The following CYLD variants were observed in gnomAD, a reference collection of about 807,000 sequenced individuals.
The protein encoded by CYLD is ubiquitin carboxyl-terminal hydrolase CYLD.
A neutral mutation model predicts 104.5 loss-of-function variants in CYLD; 26 were observed. The observed-to-expected ratio is 0.25, with a 90% CI of 0.18 to 0.35. The LOEUF is 0.35. Ranked by LOEUF, CYLD falls within the 10% of genes least tolerant of loss-of-function variation. The pLI is 1.00. For synonymous variants in CYLD, 385 were observed against 399.9 expected, an observed-to-expected ratio of 0.96 and a Z score of 0.45; for missense variants, 703 against 1,136.1, an observed-to-expected ratio of 0.62 and a Z score of 5.48.
chr16:50,765,006 C>T (rs1232434534), intron 5 of CYLD, among the ~76,000 whole-genome samples: 2 of 152,164 alleles, frequency 1.3e-5, no homozygotes, highest in Non-Finnish European at 2.9e-5. Context: ...TGTATTCTTG[C>T]AGGGATAACC....
Position 50,762,590 on chromosome 16 carries a change from G to A in CYLD, c.913+8166G>A, listed in dbSNP as rs1968074451. ...CTATTGTTAGCCTTTGGGCTTCATT[G>A]TAAGTTTAACTATCAGCTTCTCAAA... On this transcript the variant is annotated intron_variant, in intron 5 of 18. Coordinates refer to ENST00000427738, the MANE Select transcript of CYLD (RefSeq NM_001378743.1). 4.6e-5 allele frequency among the ~76,000 whole-genome samples: 7 copies of A among 152,268 alleles called. No homozygotes were observed. The South Asian group carries it at 1.5e-3, about 32-fold the overall frequency.
At chr16:50,772,290 C>G (rs1412415997) in intron 5 of CYLD, among the ~76,000 whole-genome samples, 1 of 152,126 alleles carries the variant, frequency 6.6e-6, no homozygotes, top group African/African-American at 2.4e-5. Flanking sequence ...AGGGAAATCT[C>G]TGTGATGTTA....
intron 5 of CYLD, among the ~76,000 whole-genome samples, chr16:50,765,406 C>T (rs1380064738): frequency 6.6e-6 from 1 of 152,174 alleles, no homozygotes; most frequent in Non-Finnish European, 1.5e-5. Flanking sequence ...TGTGTGTATT[C>T]TGACTGCTCC....
chr16:50,789,404 A>G (rs914941278), intron 14 of CYLD, among the ~76,000 whole-genome samples: 6 of 152,200 alleles, frequency 3.9e-5, no homozygotes, highest in African/African-American at 1.2e-4. Context: ...CTACACACTT[A>G]TGGAATGTAA....
intron 5 of CYLD, among the ~76,000 whole-genome samples, chr16:50,756,840 C>T (rs952390631): frequency 6.6e-6 from 1 of 152,126 alleles, no homozygotes; most frequent in African/African-American, 2.4e-5. Flanking sequence ...GGATGGACAA[C>T]AATTACCAAA....
intron 2 of CYLD, among the ~76,000 whole-genome samples, chr16:50,746,045 TGA>T: frequency 6.6e-6 from 1 of 152,270 alleles, no homozygotes; most frequent in South Asian, 2.1e-4. Flanking sequence ...TGTATATATG[TGA>T]GAGAGTGTGT....
intron 5 of CYLD, among the ~76,000 whole-genome samples, chr16:50,759,251 AC>A (rs1462306842): frequency 6.6e-6 from 1 of 152,186 alleles, no homozygotes; most frequent in East Asian, 1.9e-4. Context: ...CAAAAAAGAA[AC>A]TTTTTACTGT....
At chr16:50,748,784 T>A (rs1348330720) in intron 2 of CYLD, among the ~76,000 whole-genome samples, 1 of 152,202 alleles carries the variant, frequency 6.6e-6, no homozygotes, top group Non-Finnish European at 1.5e-5. Flanking sequence ...AGAAAAAATA[T>A]ATGAAATGAA....
chr16:50,781,106 C>T, intron 9 of CYLD, 140 bp from the exon 10 acceptor site: 7 of 869,686 alleles, frequency 8.0e-6, no homozygotes, highest in Admixed American at 7.6e-5. Context: ...ACTCCTTTTT[C>T]TTGATGAGGT....
At position 50,750,151 on chromosome 16, in the gene CYLD, C is replaced by A; in HGVS notation, c.453C>A (p.Pro151=). ...CTGGAGTTGTACGCTTCAGAGGACC[C>A]CTGTTAGCAGAGAGGACAGTCTCCG... ...KFPGVVRFRG[P]LLAERTVSGI... is the part of the protein sequence containing the mutation. Residue 151 remains proline, a synonymous_variant, in exon 3 of 19, where the codon CCC becomes CCA. Transcript: ENST00000427738. 1 of 1,613,886 alleles carries A rather than the reference C, an allele frequency of 6.2e-7. No individual in the cohort carries two copies. The highest frequency in any genetic ancestry group is 8.5e-7 in the Non-Finnish European group (1 of 1,179,972).
intron 17 of CYLD, 106 bp downstream of exon 17, chr16:50,793,770 G>A (rs897090643): frequency 3.1e-5 from 26 of 828,534 alleles, no homozygotes; most frequent in Admixed American, 2.1e-4. Flanking sequence ...CATAATTAAC[G>A]GTTAAAAATT....
chr16:50,781,721 CTT>C (rs918672738), intron 10 of CYLD, among the ~76,000 whole-genome samples: 1 of 145,160 alleles, frequency 6.9e-6, no homozygotes. Flanking sequence ...ATGTAACCTT[CTT>C]TTTTTTTTTT....
At chr16:50,778,243 A>G (rs1453627769) in intron 8 of CYLD, 2 of 211,770 alleles carry the variant, frequency 9.4e-6, no homozygotes, top group Non-Finnish European at 1.9e-5. Context: ...AAAAAATTTT[A>G]TCTTCCCTTG....
Position 50,776,292 on chromosome 16 carries a change from C to T in CYLD, c.1021+15C>T. 6.5e-7 allele frequency: 1 copy of T among 1,542,594 alleles called. No homozygotes were observed. The highest frequency in any genetic ancestry group is 9.0e-7 in the Non-Finnish European group (1 of 1,115,028). ...AAAGGCTACAGGTATGGATTAATAGCATATAACCTTTAGTAATTTGCATAA... is the reference window on the plus strand; with the variant it reads ...AAAGGCTACAGGTATGGATTAATAGTATATAACCTTTAGTAATTTGCATAA... On this transcript the variant is annotated intron_variant, in intron 7 of 18. Transcript: ENST00000427738.
chr16:50,775,413 T>C lies in CYLD; in HGVS notation c.922+239T>C, dbSNP rs942888933. On this transcript the variant is annotated intron_variant, in intron 6 of 18. Coordinates refer to ENST00000427738, the MANE Select transcript of CYLD (RefSeq NM_001378743.1). ...TTTCTTCAAATATATTATTGTTGTG[T>C]GTCTCTGGCTTTCTGTATTTTTAAT... 2.6e-5 allele frequency among the ~76,000 whole-genome samples: 4 copies of C among 152,236 alleles called. No individual in the cohort carries two copies. The South Asian group carries it at 8.3e-4, about 32-fold the overall frequency.
intron 5 of CYLD, among the ~76,000 whole-genome samples, chr16:50,755,184 T>TAC (rs1450432219): frequency 2.2e-5 from 3 of 137,566 alleles, no homozygotes; most frequent in African/African-American, 5.6e-5. Flanking sequence ...TGTGTGTATA[T>TAC]ACACACGTGT....
At chr16:50,747,314 A>G (rs550499834) in intron 2 of CYLD, among the ~76,000 whole-genome samples, 1 of 152,364 alleles carries the variant, frequency 6.6e-6, no homozygotes. Flanking sequence ...GGAAAGCAAC[A>G]AGGCCGTAAA....
Position 50,786,851 on chromosome 16 carries a change from T to A in CYLD, c.1950-4T>A, listed in dbSNP as rs778511033. 3.1e-6 allele frequency: 5 copies of A among 1,594,736 alleles called. No individual in the cohort carries two copies. In the Middle Eastern group the frequency reaches 6.7e-4, roughly 213 times the overall value. ...TATCAATTAATAGTTTTTTACTAAC[T>A]TAGATATGGATATGTGTGTGCCACA... is the stretch of plus-strand genomic sequence containing the variant. On this transcript the variant is annotated splice_region_variant and splice_polypyrimidine_tract_variant and intron_variant, in intron 12 of 18. Coordinates refer to ENST00000427738, the MANE Select transcript of CYLD (RefSeq NM_001378743.1).
intron 2 of CYLD, among the ~76,000 whole-genome samples, chr16:50,746,125 C>T (rs756020399): frequency 1.3e-5 from 2 of 152,124 alleles, no homozygotes; most frequent in Non-Finnish European, 2.9e-5. Flanking sequence ...GCAGTCCCTC[C>T]CTCCAGGGCT....
Sources: allele counts gnomAD v4.1 joint callset (sites outside exome capture counted in the v4.1 genomes callset), GRCh38; gene constraint gnomAD v4.1.1; transcripts MANE v1.5; gene names NCBI Gene and HGNC (gene_info 2026-07-23, HGNC 2026-07-21).